Variants in ROBO1 observed in about 807,000 individuals in gnomAD.
The protein encoded by ROBO1 is roundabout homolog 1.
ROBO1 carries 149 observed loss-of-function variants against 195.9 expected under a neutral mutation model. The observed-to-expected ratio is 0.76, with a 90% CI of 0.67 to 0.87. The LOEUF is 0.87. Ranked by LOEUF, ROBO1 falls within the 40% of genes least tolerant of loss-of-function variation. ROBO1 has a pLI of 0.00. For synonymous variants in ROBO1, 816 were observed against 733.2 expected (o/e 1.11, Z -1.82); for missense variants, 1,933 against 2,068.3 (o/e 0.93, Z 1.27).
At chr3:78,688,946 T>C (rs1373264795) in intron 8 of ROBO1, among the ~76,000 whole-genome samples, 174 bp from the exon 9 acceptor site, 1 of 152,236 alleles carries the variant, frequency 6.6e-6, no homozygotes, top group Non-Finnish European at 1.5e-5. Context: ...AGTTCATAGT[T>C]AGAAAATGAA....
At chr3:79,323,507 T>A (rs1298119755) in intron 2 of ROBO1, among the ~76,000 whole-genome samples, 1 of 151,020 alleles carries the variant, frequency 6.6e-6, no homozygotes, top group Non-Finnish European at 1.5e-5. Context: ...CAGAAAACTA[T>A]CTATGCATGC....
intron 26 of ROBO1, among the ~76,000 whole-genome samples, chr3:78,621,433 T>C (rs1704450218): frequency 1.3e-5 from 2 of 152,146 alleles, no homozygotes; most frequent in South Asian, 4.1e-4. Flanking sequence ...ATTGTTGTGT[T>C]TGGATAATGC....
At chr3:79,751,710 A>C (rs192168337) in intron 1 of ROBO1, among the ~76,000 whole-genome samples, 1 of 152,204 alleles carries the variant, frequency 6.6e-6, no homozygotes, top group African/African-American at 2.4e-5. Flanking sequence ...ATCTACAATA[A>C]TATGGGCATG....
intron 2 of ROBO1, among the ~76,000 whole-genome samples, chr3:79,146,335 T>G (rs991220758): frequency 6.6e-6 from 1 of 151,866 alleles, no homozygotes; most frequent in Non-Finnish European, 1.5e-5. Flanking sequence ...TTAAAACTTT[T>G]AGGAAAAGAA....
chr3:79,187,200 T>C lies in ROBO1; in HGVS notation c.89-61661A>G, dbSNP rs116083222. 5.4e-3 allele frequency among the ~76,000 whole-genome samples: 819 copies of C among 152,076 alleles called. 8 individuals are homozygous for C. The highest frequency in any genetic ancestry group is 0.019 in the African/African-American group (778 of 41,514). On this transcript the variant is annotated intron_variant, in intron 2 of 30. Coordinates refer to ENST00000464233, the MANE Select transcript of ROBO1 (RefSeq NM_002941.4). ...CCAGAGAGGTCAGAAGAAGAGGTAA[T>C]ATATGGAAAAACTTTCTGAGCATTA...
intron 4 of ROBO1, among the ~76,000 whole-genome samples, chr3:78,794,289 TA>T (rs1490077277): frequency 7.9e-5 from 12 of 152,208 alleles, no homozygotes; most frequent in Non-Finnish European, 1.3e-4. Flanking sequence ...TTCATTGGAT[TA>T]CTATGAGAAT....
intron 2 of ROBO1, among the ~76,000 whole-genome samples, chr3:79,364,269 C>A (rs1398508360): frequency 6.7e-6 from 1 of 149,250 alleles, no homozygotes; most frequent in East Asian, 2.0e-4. Context: ...TATACACACA[C>A]ACATATATAT....
At position 78,597,826 on chromosome 3, in the gene ROBO1, C is replaced by T. The variant is rs191850516; in HGVS notation, c.*1087G>A. ...TGTCATTATTCAAATATTCCAAATA[C>T]AAACATAGAGCATTAACAAAACAGG... On this transcript the variant is annotated 3_prime_UTR_variant, in exon 31 of 31. Transcript: ENST00000464233. The T allele has an allele frequency of 1.6e-3, 239 of 151,604 alleles. No individual in the cohort carries two copies. The highest frequency in any genetic ancestry group is 1.5e-3 in the Non-Finnish European group (103 of 67,856). 9.4% of individuals were successfully genotyped at this position (151,604 alleles called of 1,614,324 possible).
intron 2 of ROBO1, among the ~76,000 whole-genome samples, chr3:79,454,257 C>T (rs561135945): frequency 6.6e-6 from 1 of 151,300 alleles, no homozygotes; most frequent in Non-Finnish European, 1.5e-5. Context: ...ATTGCAGCAT[C>T]CTGTTACCAA....
intron 2 of ROBO1, among the ~76,000 whole-genome samples, chr3:79,534,750 T>G (rs1030373937): frequency 1.3e-5 from 2 of 152,176 alleles, no homozygotes; most frequent in Non-Finnish European, 2.9e-5. Context: ...GGCAGATTTA[T>G]TAAGGCTATT....
chr3:79,188,995 G>A (rs2081491399), intron 2 of ROBO1, among the ~76,000 whole-genome samples: 1 of 151,672 alleles, frequency 6.6e-6, no homozygotes, highest in African/African-American at 2.4e-5. Flanking sequence ...GATGCCTTCT[G>A]TGAACCTGAA....
At chr3:79,693,099 A>G (rs1315916557) in intron 1 of ROBO1, among the ~76,000 whole-genome samples, 1 of 151,720 alleles carries the variant, frequency 6.6e-6, no homozygotes, top group African/African-American at 2.4e-5. Context: ...CTGCTTGTGT[A>G]TGGTATACCT....
chr3:79,703,640 T>G (rs537469663), intron 1 of ROBO1, among the ~76,000 whole-genome samples: 1 of 152,070 alleles, frequency 6.6e-6, no homozygotes, highest in South Asian at 2.1e-4. Context: ...ATAGAAAGTT[T>G]CATTTGTAAA....
chr3:78,937,990 AGTGTGTGTGTGTGTGTGTGTGT>A (rs10596981), intron 4 of ROBO1: 1 of 135,598 alleles, frequency 7.4e-6, no homozygotes, highest in Non-Finnish European at 1.6e-5. Context: ...AGAGAGAGTG[AGTGTGTGTGTGTGTGTGTGTGT>A]GTGTGTGTGT....
chr3:78,940,267 C>G (rs2040061147), intron 3 of ROBO1, among the ~76,000 whole-genome samples: 1 of 151,964 alleles, frequency 6.6e-6, no homozygotes, highest in South Asian at 2.1e-4. Flanking sequence ...GCTACCATCA[C>G]AAGTCCAACT....
At chr3:79,560,558 T>TATATATATATATATAC (rs5850439) in intron 2 of ROBO1, among the ~76,000 whole-genome samples, 31 of 129,684 alleles carry the variant, frequency 2.4e-4, no homozygotes, top group African/African-American at 6.0e-4. Context: ...TATATATATA[T>TATATATATATATATAC]ACACATACAC....
intron 4 of ROBO1, among the ~76,000 whole-genome samples, chr3:78,756,119 T>C (rs527675813): frequency 3.3e-4 from 51 of 152,256 alleles, no homozygotes; most frequent in Admixed American, 2.9e-3. Context: ...TATATATGTA[T>C]GTATAATACA....
At chr3:79,624,708 A>G (rs1465683946) in intron 1 of ROBO1, among the ~76,000 whole-genome samples, 1 of 152,184 alleles carries the variant, frequency 6.6e-6, no homozygotes, top group Non-Finnish European at 1.5e-5. Context: ...ACAAGTTCTT[A>G]GAGACCTATA....
chr3:79,384,737 T>C (rs1005140053), intron 2 of ROBO1, among the ~76,000 whole-genome samples: 2 of 152,050 alleles, frequency 1.3e-5, no homozygotes, highest in African/African-American at 2.4e-5. Context: ...AAGTTAAACG[T>C]ATACACACAT....
Sources: gnomAD v4.1 joint callset for allele counts (sites outside exome capture counted in the v4.1 genomes callset) on GRCh38, gnomAD v4.1.1 for gene constraint, MANE v1.5 for transcripts, NCBI Gene and HGNC (gene_info 2026-07-23, HGNC 2026-07-21) for gene names.